Variants in STARD8 observed in about 807,000 individuals in gnomAD.
The protein encoded by STARD8 is stAR-related lipid transfer protein 8.
A neutral mutation model predicts 69.4 loss-of-function variants in STARD8; 25 were observed. That is an observed-to-expected ratio of 0.36 (90% CI 0.26 to 0.50). The LOEUF is 0.50. STARD8 is among the 20% of genes least tolerant of loss of function. The pLI is 0.96. For synonymous variants in STARD8, 389 were observed against 374.6 expected (o/e 1.04, Z -0.45); for missense variants, 921 against 932.5 (o/e 0.99, Z 0.16).
At chrX:68,672,791 T>G (rs1293352008) in intron 2 of STARD8, among the ~76,000 whole-genome samples, 1 of 111,187 alleles carries the variant, frequency 9.0e-6, no homozygotes, top group Non-Finnish European at 1.9e-5. Flanking sequence ...GGGTTCCTGC[T>G]GTGTGACCTT....
Position 68,661,232 on chromosome X carries a change from G to C in STARD8, c.46-4267G>C, listed in dbSNP as rs191937828. On this transcript the variant is annotated intron_variant, in intron 1 of 14. Coordinates refer to ENST00000374599, the MANE Select transcript of STARD8 (RefSeq NM_001142503.3). ...GTGAGCTCCATCCCAGCCACTTGTGGCTGAGGATGGCCCGGTTCTGGACAA... is the reference window on the plus strand; with the variant it reads ...GTGAGCTCCATCCCAGCCACTTGTGCCTGAGGATGGCCCGGTTCTGGACAA... Among the ~76,000 whole-genome samples the C allele has an allele frequency of 5.5e-4, 62 of 111,922 alleles. No homozygotes were observed. The East Asian group carries it at 0.011, about 19-fold the overall frequency.
intron 2 of STARD8, among the ~76,000 whole-genome samples, chrX:68,694,548 G>A (rs1469366450): frequency 9.0e-6 from 1 of 111,551 alleles, no homozygotes. Flanking sequence ...TACGACTCAG[G>A]AAACTGGGGT....
intron 2 of STARD8, among the ~76,000 whole-genome samples, chrX:68,684,585 G>A (rs1056044081): frequency 8.9e-6 from 1 of 112,603 alleles, no homozygotes; most frequent in Non-Finnish European, 1.9e-5. Flanking sequence ...GCCCCTGTGA[G>A]AGGCGCAGTG....
Position 68,719,307 on chromosome X carries a change from G to A in STARD8, c.1798G>A (p.Gly600Ser). 2.5e-6 allele frequency: 3 copies of A among 1,209,818 alleles called. No individual in the cohort carries two copies. Among genetic ancestry groups the A allele is most frequent in the Non-Finnish European group, 2.2e-6 (2 of 894,416 alleles). Reference sequence around the variant, plus strand: ...GCTGGAGATCAACCGGCAGTTTGCAGGCCAGATCAACCTCCTGCACAAGGG... The same window carrying A: ...GCTGGAGATCAACCGGCAGTTTGCAAGCCAGATCAACCTCCTGCACAAGGG... Reference protein sequence around the residue: ...ESLEINRQFAGQINLLHKGSL... With the variant: ...ESLEINRQFASQINLLHKGSL... The change falls in exon 7 of 15, where the codon GGC (glycine) becomes AGC (serine). Residue 600 changes from glycine (G) to serine (S), a missense_variant. Physicochemically the swap from Gly to Ser is moderately conservative, Grantham distance 56. Coordinates refer to ENST00000374599, the MANE Select transcript of STARD8 (RefSeq NM_001142503.3).
intron 2 of STARD8, among the ~76,000 whole-genome samples, chrX:68,699,018 C>T (rs2079944804): frequency 8.9e-6 from 1 of 112,318 alleles, no homozygotes; most frequent in African/African-American, 3.2e-5. Context: ...CTTGGGTTCT[C>T]CTTGTGCTTG....
chrX:68,682,720 T>C (rs1376017983), intron 2 of STARD8, among the ~76,000 whole-genome samples: 1 of 112,387 alleles, frequency 8.9e-6, no homozygotes, highest in Non-Finnish European at 1.9e-5. Flanking sequence ...CATATAAATG[T>C]TTGTGAAATA....
chrX:68,678,253 A>G (rs949023036), intron 2 of STARD8, among the ~76,000 whole-genome samples: 3 of 111,550 alleles, frequency 2.7e-5, no homozygotes, highest in Non-Finnish European at 5.6e-5. Flanking sequence ...TCCCCTGGAA[A>G]GTGGAAATAG....
At chrX:68,650,282 G>A (rs1023229694) in intron 1 of STARD8, among the ~76,000 whole-genome samples, 2 of 108,757 alleles carry the variant, frequency 1.8e-5, no homozygotes, top group East Asian at 2.9e-4. Context: ...TGCTGGGCAC[G>A]GTGATGCATA....
At chrX:68,671,286 G>A (rs1477850165) in intron 2 of STARD8, among the ~76,000 whole-genome samples, 1 of 112,548 alleles carries the variant, frequency 8.9e-6, no homozygotes, top group Admixed American at 9.4e-5. Flanking sequence ...TCCACTGAGT[G>A]TGTTGTTGCC....
chrX:68,687,370 C>A (rs2079840569), intron 2 of STARD8, among the ~76,000 whole-genome samples: 2 of 111,703 alleles, frequency 1.8e-5, no homozygotes, highest in African/African-American at 6.5e-5. Context: ...TATTTCCAGG[C>A]TACTACTTCT....
intron 2 of STARD8, among the ~76,000 whole-genome samples, chrX:68,712,252 G>C (rs1290966507): frequency 8.9e-6 from 1 of 112,002 alleles, no homozygotes; most frequent in African/African-American, 3.3e-5. Context: ...TCCCTGAGGA[G>C]GGAGGACTAT....
chrX:68,712,407 T>A (rs1387718743), intron 2 of STARD8, among the ~76,000 whole-genome samples: 1 of 112,521 alleles, frequency 8.9e-6, no homozygotes, highest in African/African-American at 3.2e-5. Context: ...ATTGTGTGTG[T>A]GAAATGAGAG....
chrX:68,699,093 C>A (rs1009144072), intron 2 of STARD8, among the ~76,000 whole-genome samples: 7 of 111,906 alleles, frequency 6.3e-5, no homozygotes, highest in African/African-American at 2.3e-4. Context: ...TGGCCAGCCA[C>A]TCTCTGACCC....
chrX:68,670,028 CAT>C (rs1337936269), intron 2 of STARD8, among the ~76,000 whole-genome samples: 3 of 112,272 alleles, frequency 2.7e-5, no homozygotes, highest in African/African-American at 9.7e-5. Flanking sequence ...GCTTATCTAA[CAT>C]TTGACAGATA....
rs1277408324 is a variant in STARD8 at position 68,725,728 on chromosome X, TG to T, written c.*1311del. 9.2e-6 allele frequency: 1 copy of T among 108,194 alleles called. No individual in the cohort carries two copies. Among genetic ancestry groups the T allele is most frequent in the East Asian group, 2.9e-4 (1 of 3,437 alleles). The allele number at this position is 108,194 out of a possible 1,213,427, so 8.9% of individuals were successfully genotyped here. ...CTCATGAGTGTATTATAATCTCTGG[TG>T]GGGGCAAGTGTCTGGAAGGCCTGAG... On this transcript the variant is annotated 3_prime_UTR_variant, in exon 15 of 15. Coordinates refer to ENST00000374599, the MANE Select transcript of STARD8 (RefSeq NM_001142503.3).
intron 2 of STARD8, among the ~76,000 whole-genome samples, chrX:68,710,609 C>A (rs73529882): frequency 1.8e-5 from 2 of 111,696 alleles, no homozygotes; most frequent in African/African-American, 3.3e-5. Context: ...CCAGCTAGGG[C>A]CAATGCCTAG....
In STARD8 at chrX:68,718,469, C is replaced by T. The variant is rs1325529966; in HGVS notation, c.1555C>T (p.His519Tyr). The change falls in exon 6 of 15, where the codon CAC (histidine) becomes TAC (tyrosine). Residue 519 changes from histidine (H) to tyrosine (Y), a missense_variant. Transcript: ENST00000374599. ...FASSLSVEEG[H>Y]SISDTVASSS... ...CTCTAGCCTGTCTGTGGAAGAAGGA[C>T]ACTCCATTTCTGACACTGTGGCCTC... is the stretch of plus-strand genomic sequence containing the variant. 5.0e-6 allele frequency: 6 copies of T among 1,210,716 alleles called. No homozygotes were observed. Among genetic ancestry groups the T allele is most frequent in the African/African-American group, 1.7e-5 (1 of 57,467 alleles).
At chrX:68,722,183 C>A in intron 11 of STARD8, 22 bp downstream of exon 11, 1 of 1,158,734 alleles carries the variant, frequency 8.6e-7, no homozygotes, top group Non-Finnish European at 1.2e-6. Flanking sequence ...CAGGCCATGA[C>A]ACCTACTTAC....
rs201590403 is a variant in STARD8, at chrX:68,723,630, C to T, written c.2804C>T (p.Pro935Leu). 6.6e-5 allele frequency: 78 copies of T among 1,187,790 alleles called. No homozygotes were observed. The highest frequency in any genetic ancestry group is 2.3e-4 in the Middle Eastern group (1 of 4,295). ...QHTELACRKA[P>L]DGHPLRLWKA... ...CCCCACTCCTGTGGCTCACAGGCACCGGATGGGCACCCCCTGCGGCTATGG... is the reference window on the plus strand; with the variant it reads ...CCCCACTCCTGTGGCTCACAGGCACTGGATGGGCACCCCCTGCGGCTATGG... Residue 935 changes from proline to leucine, a missense_variant, in exon 13 of 15, where the codon CCG becomes CTG. By Grantham distance (98) the Pro-to-Leu change is moderately conservative. Coordinates refer to ENST00000374599, the MANE Select transcript of STARD8 (RefSeq NM_001142503.3).
Sources: allele counts gnomAD v4.1 joint callset (sites outside exome capture counted in the v4.1 genomes callset), GRCh38; gene constraint gnomAD v4.1.1; transcripts MANE v1.5; gene names NCBI Gene and HGNC (gene_info 2026-07-23, HGNC 2026-07-21).